MMP14: variants seen among roughly 807,000 people sequenced by gnomAD.
MMP14 encodes matrix metalloproteinase-14.
In MMP14, 13 loss-of-function variants were observed where a neutral mutation model predicts 64.8. That is an observed-to-expected ratio of 0.20 (90% CI 0.13 to 0.32). MMP14 has a LOEUF of 0.32. Among genes scored for constraint, MMP14 ranks in the 10% least tolerant of loss-of-function variants. The pLI is 1.00. For missense variants in MMP14, 594 were observed against 783.8 expected (o/e 0.76, Z 2.89); for synonymous variants, 322 against 315.9 (o/e 1.02, Z -0.20).
At chr14:22,838,796 C>G (rs2039752736) in intron 1 of MMP14, among the ~76,000 whole-genome samples, 2 of 152,140 alleles carry the variant, frequency 1.3e-5, no homozygotes, top group South Asian at 4.1e-4. Flanking sequence ...CACAAGAGTC[C>G]TCTCTTCTGT....
chr14:22,843,229 G>T lies in MMP14; in HGVS notation c.689-28G>T. 6.3e-7 allele frequency: 1 copy of T among 1,598,566 alleles called. No individual in the cohort carries two copies. The highest frequency in any genetic ancestry group is 8.6e-7 in the Non-Finnish European group (1 of 1,168,958). On this transcript the variant is annotated intron_variant, in intron 4 of 9. Coordinates refer to ENST00000311852, the MANE Select transcript of MMP14 (RefSeq NM_004995.4). This position sits in a 1 kb window ranked among gnomAD's most constrained non-coding sequence, Gnocchi z 4.8. ...GAGGCTGAGGGAAGGGACTCAGGCT[G>T]CTATCGTCACTGTCCCCATCCTTCC...
chr14:22,844,804 C>G, intron 8 of MMP14, 24 bp downstream of exon 8: 1 of 1,613,300 alleles, frequency 6.2e-7, no homozygotes, highest in Non-Finnish European at 8.5e-7. Context: ...CCCTTAACCC[C>G]AGGCCTCCCT....
At position 22,843,396 on chromosome 14, in the gene MMP14, C is replaced by T. The variant is rs751831406; in HGVS notation, c.828C>T (p.Arg276=). The T allele has an allele frequency of 6.2e-7, 1 of 1,613,682 alleles. No individual in the cohort carries two copies. Among genetic ancestry groups the T allele is most frequent in the Non-Finnish European group, 8.5e-7 (1 of 1,179,892 alleles). ...ATTTTGTGCTGCCCGATGATGACCG[C>T]CGGGGCATCCAGCAACTTTATGGCG... ...TENFVLPDDD[R]RGIQQLYGGE... The change falls in exon 5 of 10, where the codon CGC becomes CGT. Residue 276 remains arginine, a synonymous_variant. Coordinates refer to ENST00000311852, the MANE Select transcript of MMP14 (RefSeq NM_004995.4). This position sits in a 1 kb window ranked among gnomAD's most constrained non-coding sequence, Gnocchi z 4.8.
rs1316136288 is a variant in MMP14, at chr14:22,845,984, A to G, written c.1694A>G (p.His565Arg). 2 of 1,557,492 alleles carry G rather than the reference A, an allele frequency of 1.3e-6. No individual in the cohort carries two copies. The highest frequency in any genetic ancestry group is 1.7e-6 in the Non-Finnish European group (2 of 1,149,478). ...CTTGCAGTCTTCTTCTTCAGACGCC[A>G]TGGGACCCCCAGGCGACTGCTCTAC... The part of the protein sequence containing the change: ...VGLAVFFFRR[H>R]GTPRRLLYCQ... The change falls in exon 10 of 10, where the codon CAT (histidine) becomes CGT (arginine). Residue 565 changes from histidine to arginine, a missense_variant. His to Arg is a conservative substitution (Grantham distance 29, BLOSUM62 0). Around this residue, in one of 4 missense-constraint regions of MMP14, gnomAD observed 364 missense variants for 425.2 expected, o/e 0.86. Transcript: ENST00000311852.
In MMP14 at chr14:22,843,978, C is replaced by T; in HGVS notation, c.1011+108C>T. The T allele has an allele frequency of 7.2e-7, 1 of 1,384,176 alleles. No individual in the cohort carries two copies. Among genetic ancestry groups the T allele is most frequent in the Non-Finnish European group, 9.9e-7 (1 of 1,007,160 alleles). 85.7% of individuals were successfully genotyped at this position (1,384,176 alleles called of 1,614,324 possible). A position where few individuals can be genotyped will look rare whatever the true frequency, so the allele number is the denominator to read the frequency against. On this transcript the variant is annotated intron_variant, in intron 6 of 9. Coordinates refer to ENST00000311852, the MANE Select transcript of MMP14 (RefSeq NM_004995.4). This position sits in a 1 kb window ranked among gnomAD's most constrained non-coding sequence, Gnocchi z 4.8. ...TGAGAGGCCAAGGCAGGTGGATCAC[C>T]TGAGGTCTGGAGTTCGAGAGCAGGC... is the stretch of plus-strand genomic sequence containing the variant.
Position 22,843,337 on chromosome 14 carries a change from A to AT in MMP14, c.770dup (p.Met257IlefsTer18). ...GCATTCCAGTGACCCCTCGGCCATC[A>AT]TGGCACCCTTTTACCAGTGGATGGA... On this transcript the variant is annotated frameshift_variant, in exon 5 of 10. Coordinates refer to ENST00000311852, the MANE Select transcript of MMP14 (RefSeq NM_004995.4). LOFTEE classifies it high-confidence loss of function. The surrounding 1 kb of genome is among the most constrained non-coding windows in gnomAD (Gnocchi z 4.8). 1 of 1,614,012 alleles carries AT rather than the reference A, an allele frequency of 6.2e-7. No homozygotes were observed. Among genetic ancestry groups the AT allele is most frequent in the Non-Finnish European group, 8.5e-7 (1 of 1,180,014 alleles).
chr14:22,843,786 C>G lies in MMP14; in HGVS notation c.927C>G (p.Pro309=). The part of the protein sequence containing the change: ...TTSRPSVPDK[P]KNPTYGPNIC... Reference sequence around the variant, plus strand: ...CCCGGCCTTCTGTTCCTGATAAACCCAAAAACCCCACCTATGGGCCCAACA... The same window carrying G: ...CCCGGCCTTCTGTTCCTGATAAACCGAAAAACCCCACCTATGGGCCCAACA... Residue 309 remains proline (P), a synonymous_variant, in exon 6 of 10, where the codon CCC becomes CCG. Transcript: ENST00000311852. This position sits in a 1 kb window ranked among gnomAD's most constrained non-coding sequence, Gnocchi z 4.8. The G allele has an allele frequency of 1.2e-6, 2 of 1,613,618 alleles. No individual in the cohort carries two copies. Among genetic ancestry groups the G allele is most frequent in the Non-Finnish European group, 1.7e-6 (2 of 1,179,906 alleles).
At chr14:22,837,371 C>T (rs1449863075) in intron 1 of MMP14, 4 of 456,510 alleles carry the variant, frequency 8.8e-6, no homozygotes, top group Non-Finnish European at 1.8e-5. Flanking sequence ...CCCGCCGGCG[C>T]GCCCTCCGAT....
At chr14:22,845,429 G>A (rs924270127) in intron 9 of MMP14, 63 bp downstream of exon 9, 27 of 1,261,286 alleles carry the variant, frequency 2.1e-5, no homozygotes, top group African/African-American at 8.9e-5. Context: ...GAGGAAGAGC[G>A]GGAGGGAAGC....
intron 1 of MMP14, chr14:22,837,437 G>T (rs1339373396): frequency 4.4e-6 from 2 of 454,900 alleles, no homozygotes; most frequent in Non-Finnish European, 8.8e-6. Flanking sequence ...TCTGCGGCCA[G>T]GTGGGGGTCG....
Position 22,837,446 on chromosome 14 carries a change from C to T in MMP14, c.108+521C>T, listed in dbSNP as rs879921281. On this transcript the variant is annotated intron_variant, in intron 1 of 9. Coordinates refer to ENST00000311852, the MANE Select transcript of MMP14 (RefSeq NM_004995.4). The stretch of plus-strand genomic sequence containing the variant: ...GACGAGTCTGCGGCCAGGTGGGGGT[C>T]GAGGGTGGACGGCCGAGCGTCCAGG... 1.2e-4 allele frequency: 55 copies of T among 454,128 alleles called. No homozygotes were observed. In the Admixed American group the frequency reaches 1.3e-3, roughly 11 times the overall value. The allele number at this position is 454,128 out of a possible 1,614,324, so 28.1% of individuals were successfully genotyped here.
Position 22,846,275 on chromosome 14 carries a change from T to C in MMP14, c.*236T>C. On this transcript the variant is annotated 3_prime_UTR_variant, in exon 10 of 10. Coordinates refer to ENST00000311852, the MANE Select transcript of MMP14 (RefSeq NM_004995.4). Reference sequence around the variant, plus strand: ...AGGGCTGAGTGGGAGGGCGGCCCTTTCCAGCCTCTGCCCCTCAGGGGAACC... The same window carrying C: ...AGGGCTGAGTGGGAGGGCGGCCCTTCCCAGCCTCTGCCCCTCAGGGGAACC... 1 of 517,256 alleles carries C rather than the reference T, an allele frequency of 1.9e-6. No individual in the cohort carries two copies. The highest frequency in any genetic ancestry group is 3.2e-5 in the South Asian group (1 of 30,808). 32.0% of individuals were successfully genotyped at this position (517,256 alleles called of 1,614,324 possible). A position where few individuals can be genotyped will look rare whatever the true frequency, so the allele number is the denominator to read the frequency against.
At chr14:22,844,022 C>A in intron 6 of MMP14, 152 bp downstream of exon 6, 1 of 1,014,050 alleles carries the variant, frequency 9.9e-7, no homozygotes, top group Non-Finnish European at 1.4e-6. Context: ...ATAGTGAAAC[C>A]CCGTCTCTAC....
At position 22,845,300 on chromosome 14, in the gene MMP14, A is replaced by G; in HGVS notation, c.1351A>G (p.Lys451Glu). Residue 451 changes from lysine (K) to glutamate (E), a missense_variant, in exon 9 of 10, where the codon AAG becomes GAG. Physicochemically the swap from Lys to Glu is moderately conservative, Grantham distance 56 (BLOSUM62 1). Coordinates refer to ENST00000311852, the MANE Select transcript of MMP14 (RefSeq NM_004995.4). ...ELRAVDSEYPKNIKVWEGIPE... is the reference protein window; with the variant it reads ...ELRAVDSEYPENIKVWEGIPE... ...CAGGGCAGTGGATAGCGAGTACCCC[A>G]AGAACATCAAAGTCTGGGAAGGGAT... 2 of 1,613,612 alleles carry G rather than the reference A, an allele frequency of 1.2e-6. No homozygotes were observed. The highest frequency in any genetic ancestry group is 1.7e-6 in the Non-Finnish European group (2 of 1,179,824).
rs765946610 is a variant in MMP14, at chr14:22,842,455, G to A, written c.426G>A (p.Glu142=). ...AGGTGGGCGAGTATGCCACATACGA[G>A]GCCATTCGCAAGGCGTTCCGCGTGT... ...TPKVGEYATY[E]AIRKAFRVWE... is the part of the protein sequence containing the mutation. The change falls in exon 4 of 10, where the codon GAG becomes GAA. Residue 142 remains glutamate, a synonymous_variant. Transcript: ENST00000311852. This position sits in a 1 kb window ranked among gnomAD's most constrained non-coding sequence, Gnocchi z 5.3. The A allele has an allele frequency of 1.2e-6, 2 of 1,614,058 alleles. No homozygotes were observed. The highest frequency in any genetic ancestry group is 3.3e-5 in the Admixed American group (2 of 60,020).
chr14:22,842,508 G>A lies in MMP14; in HGVS notation c.479G>A (p.Arg160His), dbSNP rs769434703. The change falls in exon 4 of 10, where the codon CGC (arginine) becomes CAC (histidine). Residue 160 changes from arginine to histidine, a missense_variant. Coordinates refer to ENST00000311852, the MANE Select transcript of MMP14 (RefSeq NM_004995.4). The surrounding 1 kb of genome is among the most constrained non-coding windows in gnomAD (Gnocchi z 5.3). ...GAGAGTGCCACACCACTGCGCTTCC[G>A]CGAGGTGCCCTATGCCTACATCCGT... The part of the protein sequence containing the change: ...VWESATPLRF[R>H]EVPYAYIREG... The A allele has an allele frequency of 3.3e-5, 53 of 1,613,906 alleles. No homozygotes were observed. The highest frequency in any genetic ancestry group is 6.7e-5 in the East Asian group (3 of 44,884).
At chr14:22,841,773 C>A in intron 2 of MMP14, 134 bp downstream of exon 2, 1 of 1,546,798 alleles carries the variant, frequency 6.5e-7, no homozygotes, top group South Asian at 1.2e-5. Flanking sequence ...GATCCTGACC[C>A]TCTCATATTC....
chr14:22,843,327 C>A lies in MMP14; in HGVS notation c.759C>A (p.Pro253=). The part of the protein sequence containing the change: ...HALGLEHSSD[P]SAIMAPFYQW... ...TGGGGCTCGAGCATTCCAGTGACCC[C>A]TCGGCCATCATGGCACCCTTTTACC... The change falls in exon 5 of 10, where the codon CCC becomes CCA. Residue 253 remains proline (P), a synonymous_variant. Transcript: ENST00000311852. The surrounding 1 kb of genome is among the most constrained non-coding windows in gnomAD (Gnocchi z 4.8). 6.2e-7 allele frequency: 1 copy of A among 1,614,066 alleles called. No homozygotes were observed.
rs1159669228 is a variant in MMP14 at position 22,840,677 on chromosome 14, A to AT, written c.109-808dup. On this transcript the variant is annotated intron_variant, in intron 1 of 9. Transcript: ENST00000311852. ...GCGCCCGCCACCGTGCCCGGCTAATATTTTTTGTATTTTTAGTAGAGACAG... is the reference window on the plus strand; with the variant it reads ...GCGCCCGCCACCGTGCCCGGCTAATATTTTTTTGTATTTTTAGTAGAGACAG... Among the ~76,000 whole-genome samples the AT allele has an allele frequency of 5.9e-5, 9 of 151,840 alleles. No homozygotes were observed. In the South Asian group the frequency reaches 1.0e-3, roughly 18 times the overall value.
Sources: allele counts gnomAD v4.1 joint callset (sites outside exome capture counted in the v4.1 genomes callset), GRCh38; gene constraint gnomAD v4.1.1; regional missense constraint gnomAD v4.1.1; non-coding constraint Gnocchi (gnomAD v3.1); transcripts MANE v1.5; gene names NCBI Gene and HGNC (gene_info 2026-07-23, HGNC 2026-07-21).